PIGL: variants seen among roughly 807,000 people sequenced by gnomAD.
PIGL encodes the protein N-acetylglucosaminyl-phosphatidylinositol de-N-acetylase.
PIGL carries 22 observed loss-of-function variants against 31.1 expected under a neutral mutation model. The observed-to-expected ratio is 0.71, with a 90% CI of 0.51 to 1.01. PIGL has a LOEUF of 1.01. Ranked by LOEUF, PIGL falls within the 50% of genes least tolerant of loss-of-function variation. The pLI, the probability that PIGL is intolerant of heterozygous loss-of-function variation, is 0.00. For missense variants in PIGL, 302 were observed against 315.9 expected (o/e 0.96, Z 0.33); for synonymous variants, 131 against 117.4 (o/e 1.12, Z -0.75).
chr17:16,324,602 A>C (rs1015335708), intron 6 of PIGL, among the ~76,000 whole-genome samples: 3 of 151,842 alleles, frequency 2.0e-5, no homozygotes, highest in Non-Finnish European at 4.4e-5. Flanking sequence ...CAGGTGATCC[A>C]CCCACCTCAG....
At chr17:16,240,841 G>T (rs1224970967) in intron 2 of PIGL, among the ~76,000 whole-genome samples, 1 of 149,020 alleles carries the variant, frequency 6.7e-6, no homozygotes, top group Non-Finnish European at 1.5e-5. Flanking sequence ...GGGCATGGTG[G>T]CTCACGCCTC....
chr17:16,285,306 G>A (rs950477218), intron 2 of PIGL, among the ~76,000 whole-genome samples: 31 of 152,300 alleles, frequency 2.0e-4, no homozygotes, highest in Non-Finnish European at 4.3e-4. Context: ...AAAAATCCAG[G>A]CCGGGCGCGG....
chr17:16,281,027 A>T (rs2092914670), intron 2 of PIGL, among the ~76,000 whole-genome samples: 1 of 152,150 alleles, frequency 6.6e-6, no homozygotes, highest in Non-Finnish European at 1.5e-5. Context: ...AAAAGGAAAA[A>T]AAATCTCACT....
At chr17:16,232,198 C>T (rs902692285) in intron 1 of PIGL, among the ~76,000 whole-genome samples, 1 of 151,972 alleles carries the variant, frequency 6.6e-6, no homozygotes, top group Non-Finnish European at 1.5e-5. Flanking sequence ...GAATCGCTTG[C>T]ACCTGAGAGG....
chr17:16,219,864 G>A (rs757254638), intron 1 of PIGL, among the ~76,000 whole-genome samples: 9 of 151,932 alleles, frequency 5.9e-5, no homozygotes, highest in Admixed American at 2.0e-4. Flanking sequence ...CACCCGGCTG[G>A]CCAGCTTTTA....
chr17:16,320,239 A>AGAG (rs2093098046), intron 6 of PIGL, among the ~76,000 whole-genome samples: 1 of 97,576 alleles, frequency 1.0e-5, no homozygotes, highest in African/African-American at 4.6e-5. Context: ...GGAAGGAAGG[A>AGAG]AGGAAGGAAG....
At chr17:16,220,066 T>C (rs1204071778) in intron 1 of PIGL, among the ~76,000 whole-genome samples, 3 of 151,904 alleles carry the variant, frequency 2.0e-5, no homozygotes, top group Non-Finnish European at 4.4e-5. Context: ...ATAAAAAATA[T>C]AGGCCGGGCA....
At position 16,313,531 on chromosome 17, in the gene PIGL, CTG is replaced by C. The variant is rs1329197644; in HGVS notation, c.427-12_427-11del. ...GTGGAGAAGGCATTCAGTGAAAACC[CTG>C]TGTTTCTCTACAGGTGGTGACTTTC... is the stretch of plus-strand genomic sequence containing the variant. On this transcript the variant is annotated splice_polypyrimidine_tract_variant and intron_variant, in intron 3 of 6. Coordinates refer to ENST00000225609, the MANE Select transcript of PIGL (RefSeq NM_004278.4). The C allele has an allele frequency of 1.9e-6, 3 of 1,605,184 alleles. No individual in the cohort carries two copies. Among genetic ancestry groups the C allele is most frequent in the Non-Finnish European group, 2.6e-6 (3 of 1,172,008 alleles).
chr17:16,281,887 T>C, intron 2 of PIGL: 1 of 313,912 alleles, frequency 3.2e-6, no homozygotes, highest in Non-Finnish European at 7.1e-6. Context: ...AGCTCCCATC[T>C]GACATGAAGC....
chr17:16,310,146 C>A (rs902164971), intron 3 of PIGL, among the ~76,000 whole-genome samples: 6 of 151,308 alleles, frequency 4.0e-5, no homozygotes, highest in African/African-American at 1.5e-4. Context: ...AGAAGACTTT[C>A]TTGAATTATG....
chr17:16,220,313 A>G (rs1048571757), intron 1 of PIGL, among the ~76,000 whole-genome samples: 2 of 151,854 alleles, frequency 1.3e-5, no homozygotes, highest in Non-Finnish European at 2.9e-5. Flanking sequence ...GCGCCACTGC[A>G]CTCCAGCCTG....
intron 3 of PIGL, among the ~76,000 whole-genome samples, chr17:16,311,940 G>T (rs1387604339): frequency 2.0e-5 from 3 of 151,810 alleles, no homozygotes; most frequent in African/African-American, 7.3e-5. Context: ...AACCGCCATC[G>T]TCATCATGGC....
intron 2 of PIGL, among the ~76,000 whole-genome samples, chr17:16,292,369 C>G (rs925953392): frequency 6.7e-6 from 1 of 149,362 alleles, no homozygotes; most frequent in African/African-American, 2.5e-5. Context: ...TTCGTTTCAG[C>G]CTATAAAATG....
At chr17:16,322,930 A>G (rs2093112069) in intron 6 of PIGL, among the ~76,000 whole-genome samples, 1 of 152,186 alleles carries the variant, frequency 6.6e-6, no homozygotes, top group Admixed American at 6.5e-5. Flanking sequence ...ATTCCTAAGC[A>G]CAAGAGGCTG....
intron 2 of PIGL, among the ~76,000 whole-genome samples, chr17:16,297,689 C>A (rs2092988390): frequency 6.6e-6 from 1 of 152,188 alleles, no homozygotes; most frequent in South Asian, 2.1e-4. Context: ...TGTCCTGATC[C>A]CGCTTTATCC....
At chr17:16,283,735 C>G (rs1473806651) in intron 2 of PIGL, among the ~76,000 whole-genome samples, 2 of 151,990 alleles carry the variant, frequency 1.3e-5, no homozygotes, top group Non-Finnish European at 2.9e-5. Context: ...TTTAAATCAC[C>G]GATTATACAA....
chr17:16,229,602 C>G (rs2092669615), intron 1 of PIGL, among the ~76,000 whole-genome samples: 2 of 150,836 alleles, frequency 1.3e-5, no homozygotes, highest in Admixed American at 1.3e-4. Flanking sequence ...TTGCCACCAG[C>G]AATGAACTAT....
In PIGL at chr17:16,326,095, A is replaced by G; in HGVS notation, c.*197A>G. 1.8e-6 allele frequency: 1 copy of G among 566,466 alleles called. No homozygotes were observed. The highest frequency in any genetic ancestry group is 3.1e-6 in the Non-Finnish European group (1 of 320,158). The allele number at this position is 566,466 out of a possible 1,614,324, so 35.1% of individuals were successfully genotyped here. On this transcript the variant is annotated 3_prime_UTR_variant, in exon 7 of 7. Coordinates refer to ENST00000225609, the MANE Select transcript of PIGL (RefSeq NM_004278.4). ...CCCCTGGGAAAAAACCCAAAGAACC[A>G]AAAACAAACCACCCCAAGGATAATA...
intron 3 of PIGL, among the ~76,000 whole-genome samples, chr17:16,304,400 C>G (rs972617620): frequency 1.3e-5 from 2 of 152,212 alleles, no homozygotes; most frequent in South Asian, 2.1e-4. Context: ...CTGGTCCCAG[C>G]TCTGTAGTAC....
Sources: gnomAD v4.1 joint callset for allele counts (sites outside exome capture counted in the v4.1 genomes callset) on GRCh38, gnomAD v4.1.1 for gene constraint, MANE v1.5 for transcripts, NCBI Gene and HGNC (gene_info 2026-07-23, HGNC 2026-07-21) for gene names.